METTL15: variants seen among roughly 807,000 people sequenced by gnomAD.
The protein encoded by METTL15 is 12S rRNA N(4)-cytidine methyltransferase METTL15.
Under a neutral mutation model 38.3 loss-of-function variants are expected in METTL15, and 34 were observed. That is an observed-to-expected ratio of 0.89 (90% CI 0.68 to 1.18). METTL15 has a LOEUF of 1.18. Among genes scored for constraint, METTL15 ranks in the 50% most tolerant of loss-of-function variants. METTL15 has a pLI of 0.00. For synonymous variants in METTL15, 162 were observed against 170.9 expected (o/e 0.95, Z 0.41); for missense variants, 438 against 498.4 (o/e 0.88, Z 1.15).
intron 5 of METTL15, among the ~76,000 whole-genome samples, chr11:28,388,153 AG>A (rs1460057931): frequency 3.1e-4 from 47 of 152,126 alleles, no homozygotes; most frequent in Admixed American, 3.0e-3. Context: ...ATCAGGTATA[AG>A]GCAAAGATTC....
At position 28,492,104 on chromosome 11, in the gene METTL15, T is replaced by A. The variant is rs371955133; in HGVS notation, c.*425-34374T>A. Among the ~76,000 whole-genome samples, 4 of 152,216 alleles carry A rather than the reference T, an allele frequency of 2.6e-5. No individual in the cohort carries two copies. The East Asian group carries it at 7.7e-4, about 29-fold the overall frequency. On this transcript the variant is annotated intron_variant and NMD_transcript_variant, in intron 6 of 7. Coordinates refer to the METTL15 transcript ENST00000532947. ...ACAAATATGTCTGAGCACAAAAGTA[T>A]GGCTGGTTTAGAACAAGATGTTTTT...
intron 4 of METTL15, among the ~76,000 whole-genome samples, chr11:28,271,820 A>G (rs1855651392): frequency 6.6e-6 from 1 of 152,212 alleles, no homozygotes; most frequent in East Asian, 1.9e-4. Flanking sequence ...CAATCTATCC[A>G]TCTGACAAAG....
At chr11:28,220,177 T>C (rs1240934937) in intron 4 of METTL15, among the ~76,000 whole-genome samples, 9 of 152,160 alleles carry the variant, frequency 5.9e-5, no homozygotes, top group Admixed American at 5.9e-4. Flanking sequence ...AGTCTGCCAT[T>C]ATTGTTGTGT....
intron 4 of METTL15, among the ~76,000 whole-genome samples, chr11:28,271,649 G>T (rs1429010797): frequency 6.6e-6 from 1 of 152,114 alleles, no homozygotes; most frequent in African/African-American, 2.4e-5. Flanking sequence ...CTCCTGGCAT[G>T]CCATTCTATC....
chr11:28,254,585 A>G (rs539249022), intron 4 of METTL15, among the ~76,000 whole-genome samples: 4 of 152,134 alleles, frequency 2.6e-5, no homozygotes, highest in Non-Finnish European at 4.4e-5. Flanking sequence ...GAGTCACTCA[A>G]ATGTTTTCTT....
chr11:28,306,912 A>C (rs1857101005), intron 6 of METTL15, among the ~76,000 whole-genome samples: 1 of 151,948 alleles, frequency 6.6e-6, no homozygotes, highest in South Asian at 2.1e-4. Context: ...TTTGTGGCTG[A>C]ATTTGAAAAA....
At chr11:28,390,785 T>C (rs1431672555) in intron 5 of METTL15, among the ~76,000 whole-genome samples, 8 of 152,226 alleles carry the variant, frequency 5.3e-5, no homozygotes, top group Non-Finnish European at 1.2e-4. Flanking sequence ...GGTAGCTTGA[T>C]GGGGATGGCA....
At chr11:28,342,002 A>AG in intron 3 of METTL15, among the ~76,000 whole-genome samples, 1 of 152,280 alleles carries the variant, frequency 6.6e-6, no homozygotes, top group East Asian at 1.9e-4. Context: ...TTTTTAAAAA[A>AG]CATTCATGAG....
chr11:28,328,409 G>T (rs1273330133), intron 6 of METTL15, among the ~76,000 whole-genome samples: 1 of 152,032 alleles, frequency 6.6e-6, no homozygotes, highest in African/African-American at 2.4e-5. Context: ...ATATTAATCT[G>T]CTATGCCTGA....
chr11:28,457,190 A>G (rs1335308053), intron 6 of METTL15, among the ~76,000 whole-genome samples: 1 of 152,232 alleles, frequency 6.6e-6, no homozygotes, highest in East Asian at 1.9e-4. Flanking sequence ...GCATAGAAGG[A>G]ATTCATGGAA....
In METTL15 at chr11:28,319,739, AAC is replaced by A. The variant is rs1423837279; in HGVS notation, c.779-10655_779-10654del. ...ACTGTGGAATGGTTATTAAAATTAAAACAGTTTCTTATCAAAAAGTTGGGAAA... is the reference window on the plus strand; with the variant it reads ...ACTGTGGAATGGTTATTAAAATTAAAAGTTTCTTATCAAAAAGTTGGGAAA... On this transcript the variant is annotated intron_variant, in intron 6 of 6. Coordinates refer to ENST00000407364, the MANE Select transcript of METTL15 (RefSeq NM_001113528.2). Among the ~76,000 whole-genome samples, 3 of 152,192 alleles carry A rather than the reference AAC, an allele frequency of 2.0e-5. No individual in the cohort carries two copies. In the East Asian group the frequency reaches 5.8e-4, roughly 29 times the overall value.
intron 6 of METTL15, among the ~76,000 whole-genome samples, chr11:28,317,199 C>G (rs916775327): frequency 2.0e-5 from 3 of 151,738 alleles, no homozygotes; most frequent in Non-Finnish European, 4.4e-5. Context: ...TCAGACTTAA[C>G]CTGGTAGGAG....
intron 6 of METTL15, among the ~76,000 whole-genome samples, chr11:28,447,193 A>AAT (rs1362578820): frequency 6.6e-6 from 1 of 152,098 alleles, no homozygotes; most frequent in Non-Finnish European, 1.5e-5. Context: ...TGAGCATCTT[A>AAT]GGCTGTTTAA....
intron 5 of METTL15, among the ~76,000 whole-genome samples, chr11:28,384,160 A>T (rs553854278): frequency 5.9e-5 from 9 of 152,164 alleles, no homozygotes; most frequent in Non-Finnish European, 8.8e-5. Flanking sequence ...TTATGGCTGC[A>T]AAGTATTCCA....
chr11:28,531,086 C>A (rs1590405852), downstream of METTL15, among the ~76,000 whole-genome samples: 1 of 151,852 alleles, frequency 6.6e-6, no homozygotes, highest in Non-Finnish European at 1.5e-5. Context: ...TTGTACTTTT[C>A]ATTCAACTGT....
intron 3 of METTL15, among the ~76,000 whole-genome samples, chr11:28,189,298 A>G (rs753796888): frequency 7.9e-5 from 12 of 151,280 alleles, no homozygotes; most frequent in African/African-American, 1.7e-4. Flanking sequence ...TTGTGTGTTG[A>G]ATGTAATGAC....
intron 4 of METTL15, among the ~76,000 whole-genome samples, chr11:28,244,153 A>C (rs1053703030): frequency 6.6e-6 from 1 of 152,194 alleles, no homozygotes; most frequent in Admixed American, 6.5e-5. Flanking sequence ...CAAGGGAATT[A>C]TTTGTGCAGA....
intron 4 of METTL15, among the ~76,000 whole-genome samples, chr11:28,279,124 G>C (rs1855952682): frequency 6.6e-6 from 1 of 152,210 alleles, no homozygotes; most frequent in Admixed American, 6.5e-5. Flanking sequence ...GCTGTGCCCA[G>C]CTGGCCTTAG....
chr11:28,339,744 T>C (rs566647568), intron 3 of METTL15, among the ~76,000 whole-genome samples: 1 of 152,080 alleles, frequency 6.6e-6, no homozygotes, highest in East Asian at 1.9e-4. Flanking sequence ...AGGAACAGCA[T>C]AGTAAAACCT....
Sources: allele counts gnomAD v4.1 joint callset (sites outside exome capture counted in the v4.1 genomes callset), GRCh38; gene constraint gnomAD v4.1.1; transcripts MANE v1.5; gene names NCBI Gene and HGNC (gene_info 2026-07-23, HGNC 2026-07-21).